ITGA1: variants seen among roughly 807,000 people sequenced by gnomAD.
ITGA1 encodes integrin subunit alpha 1, also known as integrin alpha-1.
ITGA1 carries 85 observed loss-of-function variants against 145.9 expected under a neutral mutation model. The observed-to-expected ratio is 0.58, with a 90% CI of 0.49 to 0.70. The LOEUF is 0.70. Ranked by LOEUF, ITGA1 falls within the 30% of genes least tolerant of loss-of-function variation. The pLI is 0.00. For missense variants in ITGA1, 1,351 were observed against 1,418.7 expected, an observed-to-expected ratio of 0.95 and a Z score of 0.77; for synonymous variants, 520 against 495.3, an observed-to-expected ratio of 1.05 and a Z score of -0.66.
At chr5:52,807,328 G>C (rs766976002) in intron 1 of ITGA1, among the ~76,000 whole-genome samples, 4 of 152,132 alleles carry the variant, frequency 2.6e-5, no homozygotes. Context: ...CTTATTAAGT[G>C]TCAGGTCTTA....
chr5:52,796,022 A>G (rs1748334795), intron 1 of ITGA1, among the ~76,000 whole-genome samples: 1 of 152,010 alleles, frequency 6.6e-6, no homozygotes, highest in Admixed American at 6.6e-5. Context: ...AGCACGCAAA[A>G]TTGAAAACAA....
intron 1 of ITGA1, among the ~76,000 whole-genome samples, chr5:52,818,069 T>G (rs758134069): frequency 6.6e-6 from 1 of 152,236 alleles, no homozygotes; most frequent in African/African-American, 2.4e-5. Context: ...ACACAGTTTG[T>G]TGAACCCTGG....
chr5:52,885,308 C>G (rs1750030253), intron 7 of ITGA1, among the ~76,000 whole-genome samples: 1 of 152,146 alleles, frequency 6.6e-6, no homozygotes, highest in African/African-American at 2.4e-5. Flanking sequence ...CTGAACGTTT[C>G]AAGCTTCTGA....
At chr5:52,848,528 A>G (rs986175045) in intron 1 of ITGA1, among the ~76,000 whole-genome samples, 11 of 152,100 alleles carry the variant, frequency 7.2e-5, no homozygotes, top group African/African-American at 2.7e-4. Context: ...TTGAATGTTA[A>G]TATTTGTGTT....
intron 11 of ITGA1, chr5:52,901,803 C>T (rs910883798): frequency 6.6e-6 from 1 of 152,134 alleles, no homozygotes; most frequent in Admixed American, 6.5e-5. Flanking sequence ...TATGACTTCT[C>T]TCTGTCCAAA....
At chr5:52,839,977 G>A (rs928824599) in intron 1 of ITGA1, among the ~76,000 whole-genome samples, 3 of 152,196 alleles carry the variant, frequency 2.0e-5, no homozygotes, top group Admixed American at 6.5e-5. Flanking sequence ...AATAGTATAG[G>A]AGAATCAACA....
At chr5:52,938,837 C>T (rs968129404) in intron 24 of ITGA1, among the ~76,000 whole-genome samples, 2 of 152,102 alleles carry the variant, frequency 1.3e-5, no homozygotes, top group Non-Finnish European at 2.9e-5. Flanking sequence ...TACATAAATA[C>T]AGATGAAGGT....
At chr5:52,918,576 T>G (rs1750684205) in intron 15 of ITGA1, among the ~76,000 whole-genome samples, 156 bp from the exon 16 acceptor site, 1 of 152,178 alleles carries the variant, frequency 6.6e-6, no homozygotes, top group African/African-American at 2.4e-5. Context: ...AGATATAATC[T>G]CTTCTGTAAC....
intron 1 of ITGA1, among the ~76,000 whole-genome samples, chr5:52,831,234 G>A (rs1241344223): frequency 6.6e-6 from 1 of 151,998 alleles, no homozygotes; most frequent in Non-Finnish European, 1.5e-5. Context: ...CTGGGTTCAA[G>A]CGATTCTCAT....
chr5:52,938,884 G>A (rs757797052), intron 24 of ITGA1, among the ~76,000 whole-genome samples: 3 of 151,470 alleles, frequency 2.0e-5, no homozygotes, highest in Non-Finnish European at 4.4e-5. Context: ...CCATAATATT[G>A]AACAAGTATT....
chr5:52,922,782 G>A lies in ITGA1; in HGVS notation c.2298G>A (p.Lys766=), dbSNP rs1381038931. 2 of 1,604,698 alleles carry A rather than the reference G, an allele frequency of 1.2e-6. No homozygotes were observed. Among genetic ancestry groups the A allele is most frequent in the Non-Finnish European group, 8.5e-7 (1 of 1,171,754 alleles). The part of the protein sequence containing the change: ...CTKHSFYMLD[K]HDFQDSVRIT... The stretch of plus-strand genomic sequence containing the variant: ...TTTTATGTTTCACCCTCTAGGACAA[G>A]CATGACTTTCAGGACTCTGTGAGAA... Residue 766 remains lysine, a synonymous_variant, in exon 18 of 29, where the codon AAG becomes AAA. Transcript: ENST00000282588.
rs1396796266 is a variant in ITGA1, at chr5:52,958,228, A to G, written c.*5777A>G. On this transcript the variant is annotated 3_prime_UTR_variant, in exon 29 of 29. Transcript: ENST00000282588. ...TGCAGCATTTTGCACCTTGAGAGAC[A>G]GGAAAAAAAATGGGGGTGAGGGAGT... 1 of 152,154 alleles carries G rather than the reference A, an allele frequency of 6.6e-6. No homozygotes were observed. The highest frequency in any genetic ancestry group is 2.4e-5 in the African/African-American group (1 of 41,446). 9.4% of individuals were successfully genotyped at this position (152,154 alleles called of 1,614,324 possible). A position where few individuals can be genotyped will look rare whatever the true frequency, so the allele number is the denominator to read the frequency against.
At chr5:52,850,038 TG>T (rs1749404609) in intron 2 of ITGA1, among the ~76,000 whole-genome samples, 1 of 151,158 alleles carries the variant, frequency 6.6e-6, no homozygotes, top group South Asian at 2.1e-4. Context: ...AGTCTTGCTC[TG>T]TCACCCAGGC....
At chr5:52,880,855 T>G (rs564603214) in intron 6 of ITGA1, among the ~76,000 whole-genome samples, 25 of 152,346 alleles carry the variant, frequency 1.6e-4, no homozygotes, top group Non-Finnish European at 5.9e-5. Flanking sequence ...GTCACAATTT[T>G]TAATGCAGAT....
intron 1 of ITGA1, among the ~76,000 whole-genome samples, chr5:52,817,911 A>G (rs1465327115): frequency 6.6e-6 from 1 of 152,202 alleles, no homozygotes; most frequent in Non-Finnish European, 1.5e-5. Flanking sequence ...TGCTGGCCAC[A>G]CAAGCTCTGT....
At chr5:52,840,868 T>G (rs2111737790) in intron 1 of ITGA1, among the ~76,000 whole-genome samples, 1 of 152,320 alleles carries the variant, frequency 6.6e-6, no homozygotes, top group South Asian at 2.1e-4. Flanking sequence ...AACAAACTTG[T>G]ATTAAACAGC....
chr5:52,947,290 C>A, intron 27 of ITGA1, 55 bp from the exon 28 acceptor site: 1 of 1,026,100 alleles, frequency 9.7e-7, no homozygotes, highest in South Asian at 1.3e-5. Flanking sequence ...ACTCAATGTT[C>A]CAGGAGTTCT....
intron 15 of ITGA1, among the ~76,000 whole-genome samples, chr5:52,918,440 G>T (rs1474790479): frequency 6.6e-6 from 1 of 152,082 alleles, no homozygotes; most frequent in Non-Finnish European, 1.5e-5. Flanking sequence ...AAATACAGTT[G>T]ATTCTGGGGT....
At chr5:52,810,744 TTATCTAAAACTTAA>T (rs1727910336) in intron 1 of ITGA1, among the ~76,000 whole-genome samples, 1 of 141,788 alleles carries the variant, frequency 7.1e-6, no homozygotes, top group Non-Finnish European at 1.5e-5. Context: ...GCCTAACTCC[TTATCTAAAACTTAA>T]TAGAGCTTAA....
Sources: allele counts gnomAD v4.1 joint callset (sites outside exome capture counted in the v4.1 genomes callset), GRCh38; gene constraint gnomAD v4.1.1; transcripts MANE v1.5; gene names NCBI Gene and HGNC (gene_info 2026-07-23, HGNC 2026-07-21).